Variants in ANO6 observed in about 807,000 individuals in gnomAD.
ANO6 encodes the protein anoctamin 6.
A neutral mutation model predicts 117.5 loss-of-function variants in ANO6; 106 were observed. The observed-to-expected ratio is 0.90, with a 90% CI of 0.77 to 1.06. The LOEUF (loss-of-function observed/expected upper bound fraction) is 1.06, where lower values mean the gene tolerates loss of function less well. ANO6 is among the 50% of genes least tolerant of loss of function. ANO6 has a pLI of 0.00. For synonymous variants in ANO6, 367 were observed against 385.1 expected, an observed-to-expected ratio of 0.95 and a Z score of 0.55; for missense variants, 955 against 1,121.1, an observed-to-expected ratio of 0.85 and a Z score of 2.12.
chr12:45,348,465 G>A, intron 5 of ANO6, 53 bp from the exon 6 acceptor site: 1 of 1,536,842 alleles, frequency 6.5e-7, no homozygotes, highest in Non-Finnish European at 9.0e-7. Context: ...ACAATGATTG[G>A]ATTGGTTAAT....
intron 1 of ANO6, among the ~76,000 whole-genome samples, chr12:45,219,546 G>C (rs913318270): frequency 1.6e-5 from 2 of 124,336 alleles, no homozygotes; most frequent in African/African-American, 6.2e-5. Context: ...AGGTCTCACT[G>C]TTGCCCAGAC....
intron 1 of ANO6, chr12:45,256,548 C>T (rs1046594058): frequency 6.6e-6 from 1 of 152,128 alleles, no homozygotes; most frequent in Non-Finnish European, 1.5e-5. Context: ...GAGGAAACTT[C>T]ATATGCAAAT....
chr12:45,337,312 T>C (rs1341212338), intron 3 of ANO6, among the ~76,000 whole-genome samples: 1 of 152,070 alleles, frequency 6.6e-6, no homozygotes, highest in Non-Finnish European at 1.5e-5. Flanking sequence ...TTTTCTATAT[T>C]AAGATACACA....
At chr12:45,293,055 C>T in intron 1 of ANO6, 1 of 1,393,190 alleles carries the variant, frequency 7.2e-7, no homozygotes, top group South Asian at 1.4e-5. Flanking sequence ...CTTGAAGGGA[C>T]ACTGTATTAT....
rs538558467 is a variant in ANO6, at chr12:45,426,055, G to A, written c.2526+2993G>A. Among the ~76,000 whole-genome samples, 57 of 152,332 alleles carry A rather than the reference G, an allele frequency of 3.7e-4. 1 individual carries two copies. The South Asian group carries it at 0.01, about 28-fold the overall frequency. The stretch of plus-strand genomic sequence containing the variant: ...GGAAATGACGTTATTCAAGGACCTG[G>A]AGTTGCAGTTTCCAGGAACCTGTCG... On this transcript the variant is annotated intron_variant, in intron 19 of 19. Transcript: ENST00000320560.
intron 1 of ANO6, among the ~76,000 whole-genome samples, chr12:45,237,034 G>T (rs1244522661): frequency 6.6e-6 from 1 of 152,158 alleles, no homozygotes; most frequent in Non-Finnish European, 1.5e-5. Context: ...CTTCTTTTGA[G>T]AAGTGTCTGT....
chr12:45,365,792 ATGCTCCTCAGATGACATCAAGCACT>A (rs533296000), intron 8 of ANO6, among the ~76,000 whole-genome samples: 2,479 of 152,232 alleles, frequency 0.016, 64 homozygotes, highest in East Asian at 0.096. Context: ...CCTCAAATAA[ATGCTCCTCAGATGACATCAAGCACT>A]TGCTCCTCAG....
At chr12:45,384,022 T>C (rs1425117090) in intron 10 of ANO6, among the ~76,000 whole-genome samples, 5 of 152,246 alleles carry the variant, frequency 3.3e-5, no homozygotes, top group Non-Finnish European at 5.9e-5. Context: ...GTTGTGTGGC[T>C]ACCTTCATCA....
intron 2 of ANO6, among the ~76,000 whole-genome samples, chr12:45,321,018 A>C (rs577046993): frequency 6.6e-6 from 1 of 152,140 alleles, no homozygotes; most frequent in African/African-American, 2.4e-5. Flanking sequence ...GTGTCTCTGC[A>C]CGTGAGATGG....
chr12:45,412,764 T>C (rs1373589572), intron 16 of ANO6, among the ~76,000 whole-genome samples: 6 of 152,224 alleles, frequency 3.9e-5, no homozygotes, highest in Non-Finnish European at 5.9e-5. Context: ...CCAAACACTC[T>C]CAGTTGCTGG....
At chr12:45,436,183 GC>G (rs1351219188), downstream of ANO6, among the ~76,000 whole-genome samples, 2 of 152,140 alleles carry the variant, frequency 1.3e-5, no homozygotes, top group African/African-American at 4.8e-5. Flanking sequence ...AGCCAAATAT[GC>G]CCCCCTAACC....
chr12:45,287,771 C>T (rs776244102), intron 1 of ANO6, among the ~76,000 whole-genome samples: 2 of 152,142 alleles, frequency 1.3e-5, no homozygotes, highest in Admixed American at 6.5e-5. Flanking sequence ...TATGCTAAAA[C>T]TGGGATGCTT....
chr12:45,270,265 G>A (rs1418584937), intron 1 of ANO6, among the ~76,000 whole-genome samples: 1 of 152,224 alleles, frequency 6.6e-6, no homozygotes, highest in African/African-American at 2.4e-5. Flanking sequence ...CACAGCAAGA[G>A]TTAAGGTTAA....
At position 45,273,467 on chromosome 12, in the gene ANO6, C is replaced by T. The variant is rs541691166; in HGVS notation, c.71-28547C>T. Among the ~76,000 whole-genome samples the T allele has an allele frequency of 7.2e-5, 11 of 152,272 alleles. No individual in the cohort carries two copies. In the South Asian group the frequency reaches 2.1e-3, roughly 29 times the overall value. ...AAAATAGTTGATAATTTGCTCTTTT[C>T]GTTTGATTCCTAGGTTTGAGAATCT... On this transcript the variant is annotated intron_variant, in intron 1 of 19. Transcript: ENST00000320560.
At chr12:45,247,157 T>A (rs1947838406) in intron 1 of ANO6, among the ~76,000 whole-genome samples, 1 of 152,040 alleles carries the variant, frequency 6.6e-6, no homozygotes, top group Admixed American at 6.6e-5. Context: ...AACTCCTGAC[T>A]TCAAGTGATC....
chr12:45,350,852 A>G lies in ANO6; in HGVS notation c.863+78A>G, dbSNP rs1159813426. 3 of 1,223,328 alleles carry G rather than the reference A, an allele frequency of 2.5e-6. No individual in the cohort carries two copies. The African/African-American group carries it at 4.5e-5, about 18-fold the overall frequency. The allele number at this position is 1,223,328 out of a possible 1,614,324, so 75.8% of individuals were successfully genotyped here. A position where few individuals can be genotyped will look rare whatever the true frequency, so the allele number is the denominator to read the frequency against. On this transcript the variant is annotated intron_variant, in intron 7 of 19. Coordinates refer to ENST00000320560, the MANE Select transcript of ANO6 (RefSeq NM_001025356.3). The stretch of plus-strand genomic sequence containing the variant: ...ACAGCATCTGAATGTGACAGTACTC[A>G]TCAAGACTCTTGCCAGTGAAGGGAG...
At chr12:45,420,656 T>TA (rs150230812) in intron 17 of ANO6, among the ~76,000 whole-genome samples, 8,105 of 152,028 alleles carry the variant, frequency 0.053, 684 homozygotes, top group African/African-American at 0.18. Flanking sequence ...TCTGAATCTT[T>TA]AAAAAAAATT....
intron 11 of ANO6, among the ~76,000 whole-genome samples, chr12:45,390,026 T>C (rs1201638637): frequency 1.3e-5 from 2 of 152,168 alleles, no homozygotes; most frequent in Non-Finnish European, 2.9e-5. Context: ...AAACACATAG[T>C]GGATACCTAG....
intron 1 of ANO6, among the ~76,000 whole-genome samples, chr12:45,234,752 A>G (rs1236480509): frequency 9.2e-5 from 9 of 97,984 alleles, no homozygotes; most frequent in Middle Eastern, 0.011. Context: ...TTTGATTCCC[A>G]CTTCCTAGCT....
Sources: gnomAD v4.1 joint callset for allele counts (sites outside exome capture counted in the v4.1 genomes callset) on GRCh38, gnomAD v4.1.1 for gene constraint, MANE v1.5 for transcripts, NCBI Gene and HGNC (gene_info 2026-07-23, HGNC 2026-07-21) for gene names.